Variants in NME7 observed in about 807,000 individuals in gnomAD.
NME7 encodes NME/NM23 family member 7, also known as nucleoside diphosphate kinase 7.
NME7 carries 41 observed loss-of-function variants against 49.1 expected under a neutral mutation model. The ratio of observed to expected loss-of-function variants is 0.83; its 90% CI spans 0.65 to 1.08. NME7 has a LOEUF of 1.08. NME7 is among the 50% of genes least tolerant of loss of function. NME7 has a pLI of 0.00. For missense variants in NME7, 423 were observed against 463.4 expected, an observed-to-expected ratio of 0.91 and a Z score of 0.80; for synonymous variants, 139 against 150.6, an observed-to-expected ratio of 0.92 and a Z score of 0.56.
chr1:169,187,297 C>A (rs1018546458), intron 10 of NME7, among the ~76,000 whole-genome samples: 1 of 151,956 alleles, frequency 6.6e-6, no homozygotes, highest in Non-Finnish European at 1.5e-5. Context: ...TCCTGAATAT[C>A]CTTGTTAATT....
At chr1:169,134,097 T>C (rs554089124) in intron 11 of NME7, among the ~76,000 whole-genome samples, 6 of 152,312 alleles carry the variant, frequency 3.9e-5, no homozygotes, top group Admixed American at 1.3e-4. Flanking sequence ...TGATCTTTAG[T>C]GTTATATCAC....
chr1:169,155,989 A>G (rs1204689449), intron 11 of NME7, among the ~76,000 whole-genome samples: 1 of 152,084 alleles, frequency 6.6e-6, no homozygotes, highest in East Asian at 1.9e-4. Context: ...CTACTGAACT[A>G]GACACTGGGG....
chr1:169,208,605 T>C (rs1281118445), intron 10 of NME7, among the ~76,000 whole-genome samples: 1 of 152,112 alleles, frequency 6.6e-6, no homozygotes, highest in East Asian at 1.9e-4. Flanking sequence ...AAGAAAGGTA[T>C]ATTTCTATTC....
chr1:169,300,265 T>C (rs1429172826), intron 5 of NME7, among the ~76,000 whole-genome samples: 1 of 152,158 alleles, frequency 6.6e-6, no homozygotes, highest in Non-Finnish European at 1.5e-5. Flanking sequence ...TACCAAAAGA[T>C]AATTTCCACC....
intron 10 of NME7, among the ~76,000 whole-genome samples, chr1:169,203,908 G>A (rs1660613019): frequency 6.6e-6 from 1 of 152,106 alleles, no homozygotes; most frequent in African/African-American, 2.4e-5. Flanking sequence ...CCAGGCTGGA[G>A]TGCAGTAGTT....
In NME7 at chr1:169,352,311, G is replaced by C. The variant is rs74970948; in HGVS notation, c.3+15397C>G. Among the ~76,000 whole-genome samples, 1,219 of 152,162 alleles carry C rather than the reference G, an allele frequency of 8.0e-3. 25 individuals carry two copies. The highest frequency in any genetic ancestry group is 0.028 in the African/African-American group (1,170 of 41,534). On this transcript the variant is annotated intron_variant, in intron 1 of 11. Transcript: ENST00000367811. ...ATCAATGTGATACATCATATCAACA[G>C]AATGTAGAACAGAAACCATACAATC...
At chr1:169,332,716 A>C (rs143902598) in intron 1 of NME7, among the ~76,000 whole-genome samples, 1,978 of 152,312 alleles carry the variant, frequency 0.013, 42 homozygotes, top group African/African-American at 0.043. Flanking sequence ...AAGCATATGA[A>C]AAGGTGTTCA....
intron 8 of NME7, among the ~76,000 whole-genome samples, chr1:169,236,368 C>T (rs543036515): frequency 2.6e-5 from 4 of 152,118 alleles, no homozygotes; most frequent in East Asian, 1.9e-4. Flanking sequence ...AGAAATAGAT[C>T]TTTCTGACTC....
intron 11 of NME7, among the ~76,000 whole-genome samples, chr1:169,152,130 G>T (rs1014444120): frequency 6.6e-6 from 1 of 152,050 alleles, no homozygotes; most frequent in Admixed American, 6.5e-5. Context: ...CACGAAACAG[G>T]CCTGCCATAG....
At chr1:169,362,339 T>C (rs1340940669) in intron 1 of NME7, among the ~76,000 whole-genome samples, 1 of 152,260 alleles carries the variant, frequency 6.6e-6, no homozygotes, top group Non-Finnish European at 1.5e-5. Context: ...TCTGGAGTAA[T>C]GATATTCTAA....
intron 10 of NME7, among the ~76,000 whole-genome samples, chr1:169,188,250 G>C (rs894148508): frequency 2.6e-5 from 4 of 152,106 alleles, no homozygotes; most frequent in African/African-American, 9.7e-5. Context: ...ATGTCTATAA[G>C]TATTTTATTG....
chr1:169,199,490 T>C (rs1288311555), intron 10 of NME7, among the ~76,000 whole-genome samples: 1 of 142,292 alleles, frequency 7.0e-6, no homozygotes, highest in African/African-American at 2.5e-5. Context: ...ATTATTATTA[T>C]TATTTTTAAA....
chr1:169,262,461 G>A (rs562175663), intron 7 of NME7, among the ~76,000 whole-genome samples: 1 of 134,330 alleles, frequency 7.4e-6, no homozygotes, highest in South Asian at 2.3e-4. Context: ...ATATCTGGGG[G>A]CAGGGCTAAG....
intron 11 of NME7, among the ~76,000 whole-genome samples, chr1:169,153,085 A>C (rs1232900137): frequency 6.6e-6 from 1 of 152,132 alleles, no homozygotes; most frequent in South Asian, 2.1e-4. Context: ...GGACTTAGAC[A>C]AACTTGGGTT....
intron 10 of NME7, among the ~76,000 whole-genome samples, chr1:169,172,288 CA>C (rs58058889): frequency 0.018 from 2,186 of 120,340 alleles, 48 homozygotes; most frequent in African/African-American, 0.061. Context: ...TAAAAAAAAA[CA>C]AAAAAAAAAC....
At chr1:169,227,237 A>G (rs1203656388) in intron 10 of NME7, among the ~76,000 whole-genome samples, 2 of 152,172 alleles carry the variant, frequency 1.3e-5, no homozygotes, top group Non-Finnish European at 1.5e-5. Flanking sequence ...CTTGCGCTGA[A>G]CATTAGTTCC....
At chr1:169,299,849 C>T (rs1487202304) in intron 5 of NME7, among the ~76,000 whole-genome samples, 1 of 151,996 alleles carries the variant, frequency 6.6e-6, no homozygotes, top group Non-Finnish European at 1.5e-5. Flanking sequence ...AACAAAACCC[C>T]CAAGACCAAC....
chr1:169,308,460 C>T (rs1651263763), intron 4 of NME7, among the ~76,000 whole-genome samples: 1 of 152,196 alleles, frequency 6.6e-6, no homozygotes, highest in Non-Finnish European at 1.5e-5. Context: ...ATCTGCCTAA[C>T]TGCTACATTC....
At chr1:169,326,527 G>T (rs544729985) in intron 1 of NME7, among the ~76,000 whole-genome samples, 2 of 152,242 alleles carry the variant, frequency 1.3e-5, no homozygotes, top group African/African-American at 4.8e-5. Flanking sequence ...CTAAGAAGCT[G>T]GTAGAGGGAG....
Sources: allele counts gnomAD v4.1 joint callset (sites outside exome capture counted in the v4.1 genomes callset), GRCh38; gene constraint gnomAD v4.1.1; transcripts MANE v1.5; gene names NCBI Gene and HGNC (gene_info 2026-07-23, HGNC 2026-07-21).